Variants in CYP4X1 observed in about 807,000 individuals in gnomAD.
CYP4X1 encodes cytochrome P450 family 4 subfamily X member 1, also known as cytochrome P450 4X1.
Under a neutral mutation model 57.9 loss-of-function variants are expected in CYP4X1, and 44 were observed. The ratio of observed to expected loss-of-function variants is 0.76; its 90% CI spans 0.60 to 0.98. The LOEUF (loss-of-function observed/expected upper bound fraction) is 0.98, where lower values mean the gene tolerates loss of function less well. Ranked by LOEUF, CYP4X1 falls within the 50% of genes least tolerant of loss-of-function variation. CYP4X1 has a pLI of 0.00. For missense variants in CYP4X1, 532 were observed against 623.9 expected, an observed-to-expected ratio of 0.85 and a Z score of 1.57; for synonymous variants, 227 against 228.6, an observed-to-expected ratio of 0.99 and a Z score of 0.06.
chr1:47,049,380 T>G, intron 10 of CYP4X1, 42 bp from the exon 11 acceptor site: 1 of 1,472,714 alleles, frequency 6.8e-7, no homozygotes, highest in Non-Finnish European at 9.5e-7. Context: ...AATGTGTTCA[T>G]GTTGTTTGGG....
intron 7 of CYP4X1, among the ~76,000 whole-genome samples, chr1:47,039,045 A>G (rs2292059): frequency 0.074 from 11,279 of 152,182 alleles, 524 homozygotes; most frequent in East Asian, 0.22. Context: ...AAATGGTCAC[A>G]TGGATAAACG....
the CYP4X1 span, among the ~76,000 whole-genome samples, chr1:46,980,811 T>A: frequency 6.6e-6 from 1 of 150,606 alleles, no homozygotes; most frequent in Non-Finnish European, 1.5e-5. Flanking sequence ...AACAGAGGCC[T>A]CAGAAATAAC....
chr1:47,029,901 ACCTTATCAGGT>A, intron 1 of CYP4X1, 78 bp from the exon 2 acceptor site: 1 of 1,457,354 alleles, frequency 6.9e-7, no homozygotes, highest in Non-Finnish European at 9.3e-7. Flanking sequence ...TGCTTGTGTG[ACCTTATCAGGT>A]CCTGAACTCA....
the CYP4X1 span, among the ~76,000 whole-genome samples, chr1:46,966,696 T>G: frequency 6.6e-6 from 1 of 152,206 alleles, no homozygotes; most frequent in Non-Finnish European, 1.5e-5. Flanking sequence ...TGCCATGGAC[T>G]GCAGCTGCTT....
the CYP4X1 span, among the ~76,000 whole-genome samples, chr1:46,999,026 T>TTGTGTGTGTGTGTGTGTGTG: frequency 2.3e-3 from 334 of 143,304 alleles, 4 homozygotes; most frequent in African/African-American, 7.8e-3. Context: ...CTTGCTTTCT[T>TTGTGTGTGTGTGTGTGTGTG]TGTGTGTGTG....
At chr1:47,006,434 A>T in the CYP4X1 span, among the ~76,000 whole-genome samples, 2 of 152,164 alleles carry the variant, frequency 1.3e-5, no homozygotes, top group Non-Finnish European at 2.9e-5. Flanking sequence ...TCTGATTCAG[A>T]AGTTATCTAA....
the CYP4X1 span, among the ~76,000 whole-genome samples, chr1:46,989,418 A>G: frequency 6.6e-6 from 1 of 152,202 alleles, no homozygotes; most frequent in East Asian, 1.9e-4. Context: ...AACAAATGGA[A>G]GAACATTCCA....
intron 8 of CYP4X1, among the ~76,000 whole-genome samples, chr1:47,043,460 T>A (rs1644268884): frequency 6.6e-6 from 1 of 152,168 alleles, no homozygotes; most frequent in Non-Finnish European, 1.5e-5. Context: ...TTAGTTTAAT[T>A]AAGTCCCACC....
intron 1 of CYP4X1, among the ~76,000 whole-genome samples, chr1:47,026,968 C>T (rs1043460847): frequency 6.6e-6 from 1 of 151,966 alleles, no homozygotes; most frequent in Non-Finnish European, 1.5e-5. Flanking sequence ...ACCCGCCTCA[C>T]CCTCCCAAAG....
chr1:47,048,480 C>A, intron 9 of CYP4X1, 85 bp from the exon 10 acceptor site: 1 of 1,445,974 alleles, frequency 6.9e-7, no homozygotes, highest in Non-Finnish European at 9.7e-7. Context: ...CTCTTCCCTT[C>A]AAGAACAAAA....
the CYP4X1 span, among the ~76,000 whole-genome samples, chr1:46,974,159 C>A: frequency 6.6e-6 from 1 of 151,998 alleles, no homozygotes; most frequent in Non-Finnish European, 1.5e-5. Flanking sequence ...TGATTTCTGT[C>A]TTAATTCATT....
the CYP4X1 span, among the ~76,000 whole-genome samples, chr1:47,007,668 A>G: frequency 8.5e-5 from 13 of 152,314 alleles, no homozygotes; most frequent in Admixed American, 8.5e-4. Context: ...CAAAGAAGTT[A>G]AAAACCTTGA....
chr1:47,021,734 A>G (rs1237390680), upstream of CYP4X1, among the ~76,000 whole-genome samples: 1 of 152,192 alleles, frequency 6.6e-6, no homozygotes, highest in Non-Finnish European at 1.5e-5. Context: ...CTGGCCCTGG[A>G]GCAGAGGAGT....
the CYP4X1 span, among the ~76,000 whole-genome samples, chr1:46,974,116 T>C: frequency 1.3e-5 from 2 of 152,180 alleles, no homozygotes; most frequent in Non-Finnish European, 2.9e-5. Flanking sequence ...TCATATGTTG[T>C]ATTTTTGTTT....
chr1:47,017,418 G>T, the CYP4X1 span, among the ~76,000 whole-genome samples: 4 of 150,150 alleles, frequency 2.7e-5, no homozygotes, highest in African/African-American at 9.8e-5. Context: ...AGAAATATTT[G>T]AGAAACAAAT....
At chr1:46,976,769 A>C in the CYP4X1 span, among the ~76,000 whole-genome samples, 1 of 152,152 alleles carries the variant, frequency 6.6e-6, no homozygotes, top group Non-Finnish European at 1.5e-5. Flanking sequence ...TCAGGCAGCA[A>C]TATTTGCTGT....
At chr1:47,010,073 C>T in the CYP4X1 span, among the ~76,000 whole-genome samples, 5 of 152,188 alleles carry the variant, frequency 3.3e-5, no homozygotes, top group African/African-American at 1.2e-4. Flanking sequence ...AGGCCAGCAT[C>T]ATCCTGATAC....
the CYP4X1 span, among the ~76,000 whole-genome samples, chr1:46,983,637 A>G: frequency 2.0e-5 from 3 of 152,174 alleles, no homozygotes; most frequent in Non-Finnish European, 4.4e-5. Flanking sequence ...ACGTGCATGG[A>G]AAACAGTCTG....
At chr1:47,037,272 A>ATTTT (rs34146521) in intron 6 of CYP4X1, among the ~76,000 whole-genome samples, 5 of 115,872 alleles carry the variant, frequency 4.3e-5, no homozygotes, top group African/African-American at 1.0e-4. Flanking sequence ...AACCTTTTCA[A>ATTTT]TTTTTTTTTT....
Sources: gnomAD v4.1 joint callset for allele counts (sites outside exome capture counted in the v4.1 genomes callset) on GRCh38, gnomAD v4.1.1 for gene constraint, MANE v1.5 for transcripts, NCBI Gene and HGNC (gene_info 2026-07-23, HGNC 2026-07-21) for gene names.